The following SPAG6 variants were observed in gnomAD, a reference collection of about 807,000 sequenced individuals.
The protein encoded by SPAG6 is sperm associated antigen 6.
In SPAG6, 49 loss-of-function variants were observed where a neutral mutation model predicts 58.5. That is an observed-to-expected ratio of 0.84 (90% CI 0.67 to 1.06). The LOEUF (loss-of-function observed/expected upper bound fraction) is 1.06. Among genes scored for constraint, SPAG6 ranks in the 50% least tolerant of loss-of-function variants. SPAG6 has a pLI of 0.00. For synonymous variants in SPAG6, 233 were observed against 225.6 expected (o/e 1.03, Z -0.29); for missense variants, 560 against 611.3 (o/e 0.92, Z 0.89).
At chr10:22,415,327 T>G (rs1194370395) in intron 10 of SPAG6, among the ~76,000 whole-genome samples, 1 of 151,962 alleles carries the variant, frequency 6.6e-6, no homozygotes, top group East Asian at 1.9e-4. Context: ...TTAAAGATAT[T>G]TAAAAATCTA....
chr10:22,410,902 C>A, intron 9 of SPAG6, 129 bp from the exon 10 acceptor site: 3 of 852,390 alleles, frequency 3.5e-6, no homozygotes, highest in Non-Finnish European at 5.1e-6. Flanking sequence ...GCAGATTTGG[C>A]TCATTATGTT....
chr10:22,395,766 A>C (rs1266840579), intron 8 of SPAG6, among the ~76,000 whole-genome samples: 1 of 152,234 alleles, frequency 6.6e-6, no homozygotes, highest in Admixed American at 6.5e-5. Flanking sequence ...GTTGTATCTA[A>C]GAAGGCTTTG....
chr10:22,362,438 A>G (rs1431771690), intron 2 of SPAG6, among the ~76,000 whole-genome samples: 1 of 151,902 alleles, frequency 6.6e-6, no homozygotes, highest in East Asian at 1.9e-4. Context: ...GTGCATATTT[A>G]TTATAAAAAA....
At chr10:22,365,140 A>G (rs556210016) in intron 3 of SPAG6, 121 bp downstream of exon 3, 58 of 633,260 alleles carry the variant, frequency 9.2e-5, no homozygotes, top group Non-Finnish European at 1.4e-4. Context: ...ACAATCTTCA[A>G]TTATCTGAGC....
At chr10:22,386,987 A>T in intron 5 of SPAG6, 28 bp downstream of exon 5, 1 of 1,534,504 alleles carries the variant, frequency 6.5e-7, no homozygotes, top group South Asian at 1.1e-5. Flanking sequence ...TGAAAAATAC[A>T]TCAGCCTTCT....
chr10:22,370,627 A>T lies in SPAG6; in HGVS notation c.472+1949A>T, dbSNP rs568495095. 1.1e-4 allele frequency among the ~76,000 whole-genome samples: 16 copies of T among 152,372 alleles called. No individual in the cohort carries two copies. The South Asian group carries it at 3.3e-3, about 32-fold the overall frequency. ...ATGGTGACATTATTACAGACAAAAT[A>T]GAAATAAAACAGTATAAAAGGCAAG... On this transcript the variant is annotated intron_variant, in intron 4 of 10. Coordinates refer to ENST00000376624, the MANE Select transcript of SPAG6 (RefSeq NM_012443.4).
intron 3 of SPAG6, among the ~76,000 whole-genome samples, chr10:22,366,220 A>G (rs1021628252): frequency 1.3e-5 from 2 of 152,230 alleles, no homozygotes; most frequent in African/African-American, 4.8e-5. Context: ...ACAATGGATT[A>G]TTAGTCATAA....
At chr10:22,364,189 C>G (rs1368325369) in intron 2 of SPAG6, among the ~76,000 whole-genome samples, 1 of 152,172 alleles carries the variant, frequency 6.6e-6, no homozygotes, top group Non-Finnish European at 1.5e-5. Flanking sequence ...CCTCAATTTT[C>G]TCATCTGTAA....
At position 22,396,291 on chromosome 10, in the gene SPAG6, G is replaced by A. The variant is rs115584983; in HGVS notation, c.1197+4371G>A. ...TCATGGGTGTGGTTTCCCCCATACT[G>A]TTCTTGTGGTAGGGATTAAGTCTCA... On this transcript the variant is annotated intron_variant, in intron 8 of 10. Coordinates refer to ENST00000376624, the MANE Select transcript of SPAG6 (RefSeq NM_012443.4). Among the ~76,000 whole-genome samples, 1,368 of 152,264 alleles carry A rather than the reference G, an allele frequency of 9.0e-3. 22 individuals are homozygous for A. The highest frequency in any genetic ancestry group is 0.032 in the African/African-American group (1,316 of 41,536).
chr10:22,407,650 C>T lies in SPAG6; in HGVS notation c.1315-3381C>T, dbSNP rs897583974. On this transcript the variant is annotated intron_variant, in intron 9 of 10. Transcript: ENST00000376624. The stretch of plus-strand genomic sequence containing the variant: ...CTCTTCTCGAGGAGTATCTTTGTGG[C>T]GTTCTCTGTATTTCCTGAATCTCAA... Among the ~76,000 whole-genome samples the T allele has an allele frequency of 3.2e-4, 49 of 151,106 alleles. 1 individual carries two copies. Among genetic ancestry groups the T allele is most frequent in the Admixed American group, 2.6e-3 (39 of 15,104 alleles).
chr10:22,389,297 A>C lies in SPAG6; in HGVS notation c.990A>C (p.Ala330=). 6.2e-7 allele frequency: 1 copy of C among 1,612,010 alleles called. No individual in the cohort carries two copies. Among genetic ancestry groups the C allele is most frequent in the Non-Finnish European group, 8.5e-7 (1 of 1,179,528 alleles). ...CTCATTCTGAGAACCTAGCAATGGC[A>C]GTCATCATTTCTAAGGTTTGTTCTT... ...VAAHSENLAM[A]VIISKGVPQL... is the part of the protein sequence containing the mutation. Residue 330 remains alanine (A), a synonymous_variant, in exon 7 of 11, where the codon GCA becomes GCC. Coordinates refer to ENST00000376624, the MANE Select transcript of SPAG6 (RefSeq NM_012443.4).
intron 4 of SPAG6, among the ~76,000 whole-genome samples, chr10:22,371,495 G>A (rs190297868): frequency 3.9e-4 from 59 of 152,112 alleles, no homozygotes; most frequent in African/African-American, 1.1e-3. Context: ...CTTGTAATCC[G>A]CCCGCCTCGG....
At chr10:22,352,073 A>G (rs1645350401) in intron 2 of SPAG6, among the ~76,000 whole-genome samples, 1 of 152,070 alleles carries the variant, frequency 6.6e-6, no homozygotes, top group South Asian at 2.1e-4. Context: ...AGGCAGGAGA[A>G]TGGCGTGAAT....
At chr10:22,378,260 C>T (rs2132068631) in intron 4 of SPAG6, among the ~76,000 whole-genome samples, 1 of 151,794 alleles carries the variant, frequency 6.6e-6, no homozygotes, top group East Asian at 1.9e-4. Flanking sequence ...GACGGGGTTT[C>T]ACTATGTTGG....
chr10:22,352,211 G>A (rs572989837), intron 2 of SPAG6, among the ~76,000 whole-genome samples: 1 of 150,306 alleles, frequency 6.7e-6, no homozygotes, highest in South Asian at 2.1e-4. Flanking sequence ...GTGCGTGTAT[G>A]TGTGTGTGTG....
intron 2 of SPAG6, among the ~76,000 whole-genome samples, chr10:22,348,210 C>T (rs922459840): frequency 2.0e-5 from 3 of 152,274 alleles, no homozygotes; most frequent in Non-Finnish European, 2.9e-5. Flanking sequence ...AGGATGGTCT[C>T]GATCACTTGA....
chr10:22,385,123 GAATGTTA>G (rs1834037948), intron 4 of SPAG6, among the ~76,000 whole-genome samples: 1 of 152,052 alleles, frequency 6.6e-6, no homozygotes, highest in Non-Finnish European at 1.5e-5. Context: ...TTCTTAAGCA[GAATGTTA>G]ATTATCAGAA....
At chr10:22,354,124 G>C (rs1836803473) in intron 2 of SPAG6, among the ~76,000 whole-genome samples, 1 of 152,198 alleles carries the variant, frequency 6.6e-6, no homozygotes, top group Admixed American at 6.5e-5. Flanking sequence ...AAGAGTCATG[G>C]GATCCACTTT....
In SPAG6 at chr10:22,350,037, A is replaced by T. The variant is rs569911748; in HGVS notation, c.121+4219A>T. 2.6e-5 allele frequency among the ~76,000 whole-genome samples: 4 copies of T among 152,234 alleles called. No homozygotes were observed. The South Asian group carries it at 8.3e-4, about 32-fold the overall frequency. Reference sequence around the variant, plus strand: ...TTACAAACCTGCTGTTTCAAAGGATATTGAAACTGAAAAGAAAATTAACAA... The same window carrying T: ...TTACAAACCTGCTGTTTCAAAGGATTTTGAAACTGAAAAGAAAATTAACAA... On this transcript the variant is annotated intron_variant, in intron 2 of 10. Coordinates refer to ENST00000376624, the MANE Select transcript of SPAG6 (RefSeq NM_012443.4).
Sources: gnomAD v4.1 joint callset for allele counts (sites outside exome capture counted in the v4.1 genomes callset) on GRCh38, gnomAD v4.1.1 for gene constraint, MANE v1.5 for transcripts, NCBI Gene and HGNC (gene_info 2026-07-23, HGNC 2026-07-21) for gene names.